ASCC3: variants seen among roughly 807,000 people sequenced by gnomAD.
ASCC3 encodes activating signal cointegrator 1 complex subunit 3, also known as ASC-1 complex subunit P200.
In ASCC3, 158 loss-of-function variants were observed where a neutral mutation model predicts 256.3. That is an observed-to-expected ratio of 0.62 (90% CI 0.54 to 0.70). ASCC3 has a LOEUF of 0.70. ASCC3 is among the 30% of genes least tolerant of loss of function. ASCC3 has a pLI of 0.00. For missense variants in ASCC3, 2,259 were observed against 2,626.0 expected (o/e 0.86, Z 3.05); for synonymous variants, 948 against 883.4 (o/e 1.07, Z -1.30).
intron 8 of ASCC3, among the ~76,000 whole-genome samples, chr6:100,770,193 T>C (rs528158267): frequency 6.6e-6 from 1 of 152,064 alleles, no homozygotes; most frequent in South Asian, 2.1e-4. Context: ...AATGACATAA[T>C]ACATCACAGA....
intron 10 of ASCC3, among the ~76,000 whole-genome samples, chr6:100,758,753 T>C (rs539894191): frequency 6.6e-6 from 1 of 152,304 alleles, no homozygotes; most frequent in East Asian, 1.9e-4. Flanking sequence ...GTACTGAGTA[T>C]ACCCAGTATT....
chr6:100,846,636 G>A (rs1772398719), intron 4 of ASCC3, among the ~76,000 whole-genome samples: 1 of 152,108 alleles, frequency 6.6e-6, no homozygotes. Context: ...TTGCATGCTT[G>A]CTGTACAGAG....
intron 36 of ASCC3, among the ~76,000 whole-genome samples, chr6:100,576,547 T>C (rs1770872590): frequency 6.6e-6 from 1 of 152,040 alleles, no homozygotes. Context: ...ATAGAACCTG[T>C]AACAACTTAA....
At chr6:100,835,455 T>G (rs1050677981) in intron 4 of ASCC3, among the ~76,000 whole-genome samples, 1 of 152,112 alleles carries the variant, frequency 6.6e-6, no homozygotes, top group Non-Finnish European at 1.5e-5. Context: ...TTTTGTACAT[T>G]GTGATAAAGG....
At chr6:100,747,889 C>A (rs1337153955) in intron 10 of ASCC3, among the ~76,000 whole-genome samples, 1 of 151,824 alleles carries the variant, frequency 6.6e-6, no homozygotes, top group African/African-American at 2.4e-5. Context: ...AACCAGTATA[C>A]CTGCATTAAA....
intron 10 of ASCC3, among the ~76,000 whole-genome samples, chr6:100,756,134 A>C (rs1187825371): frequency 6.6e-6 from 1 of 151,978 alleles, no homozygotes; most frequent in Non-Finnish European, 1.5e-5. Flanking sequence ...CTAGTGATTT[A>C]AAATTGGTTT....
At chr6:100,587,309 A>G (rs118008731) in intron 36 of ASCC3, among the ~76,000 whole-genome samples, 2,346 of 152,280 alleles carry the variant, frequency 0.015, 25 homozygotes, top group East Asian at 0.045. Flanking sequence ...GTAAAAAAAA[A>G]AAAAAGTCAT....
Position 100,829,350 on chromosome 6 carries a change from G to C in ASCC3, c.801+18798C>G, listed in dbSNP as rs906198339. ...AGTGGCGGGGAGGCTCAGGCATGGC[G>C]GGCTGCAGGTCCTGAGCCCTGCCCC... On this transcript the variant is annotated intron_variant, in intron 4 of 41. Coordinates refer to ENST00000369162, the MANE Select transcript of ASCC3 (RefSeq NM_006828.4). 1.1e-4 allele frequency among the ~76,000 whole-genome samples: 16 copies of C among 151,928 alleles called. No individual in the cohort carries two copies. The East Asian group carries it at 2.9e-3, about 28-fold the overall frequency.
chr6:100,519,098 T>C (rs1774176864), intron 37 of ASCC3, among the ~76,000 whole-genome samples: 1 of 152,134 alleles, frequency 6.6e-6, no homozygotes. Flanking sequence ...GTTGTAAAAA[T>C]TAATTTGCTA....
At chr6:100,585,341 C>T (rs1421542433) in intron 36 of ASCC3, among the ~76,000 whole-genome samples, 2 of 152,156 alleles carry the variant, frequency 1.3e-5, no homozygotes, top group East Asian at 1.9e-4. Flanking sequence ...CATCTTCCAT[C>T]GCTGATACCC....
chr6:100,821,967 T>G (rs1342636183), intron 4 of ASCC3, among the ~76,000 whole-genome samples: 4 of 152,016 alleles, frequency 2.6e-5, no homozygotes, highest in Admixed American at 2.6e-4. Context: ...TGGAGAAATC[T>G]CCAGACACAG....
At chr6:100,818,625 C>A (rs1582909873) in intron 4 of ASCC3, among the ~76,000 whole-genome samples, 1 of 146,530 alleles carries the variant, frequency 6.8e-6, no homozygotes, top group Non-Finnish European at 1.5e-5. Flanking sequence ...AGCAGTATTT[C>A]ATAATGGTGA....
intron 36 of ASCC3, among the ~76,000 whole-genome samples, chr6:100,562,138 A>AT (rs1242698743): frequency 6.6e-6 from 1 of 152,110 alleles, no homozygotes; most frequent in African/African-American, 2.4e-5. Context: ...GTTGGAAAAC[A>AT]TTGTGAAATA....
intron 37 of ASCC3, among the ~76,000 whole-genome samples, chr6:100,532,415 T>A (rs1275482835): frequency 0.022 from 2,996 of 135,314 alleles, 118 homozygotes; most frequent in African/African-American, 0.081. Flanking sequence ...TATTTTTTTT[T>A]TTTTTTTTTT....
Position 100,863,953 on chromosome 6 carries a change from G to C in ASCC3, c.241+111C>G. On this transcript the variant is annotated intron_variant, in intron 3 of 41. Coordinates refer to ENST00000369162, the MANE Select transcript of ASCC3 (RefSeq NM_006828.4). ...TGTCTTTCATAATTATGAATACTTA[G>C]ATGCCAGGAAATTTTAGCTTTCCTT... 9.8e-7 allele frequency: 1 copy of C among 1,022,062 alleles called. No homozygotes were observed. Among genetic ancestry groups the C allele is most frequent in the Non-Finnish European group, 1.4e-6 (1 of 724,428 alleles). 63.3% of individuals were successfully genotyped at this position (1,022,062 alleles called of 1,614,324 possible). A position where few individuals can be genotyped will look rare whatever the true frequency, so the allele number is the denominator to read the frequency against.
At chr6:100,757,542 G>T (rs554234084) in intron 10 of ASCC3, among the ~76,000 whole-genome samples, 4 of 150,250 alleles carry the variant, frequency 2.7e-5, no homozygotes, top group African/African-American at 9.8e-5. Flanking sequence ...GGATAAACTG[G>T]GATTTTCAAA....
chr6:100,865,537 C>G lies in ASCC3; in HGVS notation c.91-1323G>C, dbSNP rs573643970. Among the ~76,000 whole-genome samples the G allele has an allele frequency of 2.1e-3, 313 of 152,184 alleles. 3 individuals are homozygous for G. The highest frequency in any genetic ancestry group is 7.3e-3 in the African/African-American group (305 of 41,528). On this transcript the variant is annotated intron_variant, in intron 2 of 41. Coordinates refer to ENST00000369162, the MANE Select transcript of ASCC3 (RefSeq NM_006828.4). ...CAGCTACTATTGAAAAGAAGGTTAA[C>G]TGTTTTGTATCTAACCAAATTTTGT...
chr6:100,738,992 T>A (rs1454169348), intron 10 of ASCC3, among the ~76,000 whole-genome samples: 1 of 152,152 alleles, frequency 6.6e-6, no homozygotes, highest in Non-Finnish European at 1.5e-5. Flanking sequence ...ATAGGAGAGG[T>A]GAGAGAGGGC....
Position 100,642,767 on chromosome 6 carries a change from C to T in ASCC3, c.3733-18G>A, listed in dbSNP as rs754609274. ...CTAATGACCTAATATGAAATACAGTCAAAAATAAATATGGATATTCTAATA... is the reference window on the plus strand; with the variant it reads ...CTAATGACCTAATATGAAATACAGTTAAAAATAAATATGGATATTCTAATA... On this transcript the variant is annotated intron_variant, in intron 23 of 41. Transcript: ENST00000369162. The T allele has an allele frequency of 6.3e-7, 1 of 1,595,286 alleles. No individual in the cohort carries two copies. Among genetic ancestry groups the T allele is most frequent in the South Asian group, 1.1e-5 (1 of 90,592 alleles).
Sources: gnomAD v4.1 joint callset for allele counts (sites outside exome capture counted in the v4.1 genomes callset) on GRCh38, gnomAD v4.1.1 for gene constraint, MANE v1.5 for transcripts, NCBI Gene and HGNC (gene_info 2026-07-23, HGNC 2026-07-21) for gene names.